The following ATXN7 variants were observed in gnomAD, a reference collection of about 807,000 sequenced individuals.
ATXN7 encodes the protein ataxin-7.
ATXN7 carries 12 observed loss-of-function variants against 70.5 expected under a neutral mutation model. That is an observed-to-expected ratio of 0.17 (90% CI 0.11 to 0.28). The LOEUF (loss-of-function observed/expected upper bound fraction) is 0.28. Among genes scored for constraint, ATXN7 ranks in the 10% least tolerant of loss-of-function variants. The pLI is 1.00. For missense variants in ATXN7, 1,256 were observed against 1,131.7 expected (o/e 1.11, Z -1.58); for synonymous variants, 498 against 448.7 (o/e 1.11, Z -1.39).
chr3:63,922,457 A>G (rs1704548998), intron 4 of ATXN7, among the ~76,000 whole-genome samples: 1 of 152,126 alleles, frequency 6.6e-6, no homozygotes, highest in Non-Finnish European at 1.5e-5. Flanking sequence ...GTGGGTATTT[A>G]CTTTTTCCTG....
At position 63,969,282 on chromosome 3, in the gene ATXN7, A is replaced by C. The variant is rs140755827; in HGVS notation, c.500-10633A>C. Among the ~76,000 whole-genome samples the C allele has an allele frequency of 7.5e-3, 1,137 of 152,060 alleles. 16 individuals carry two copies. Among genetic ancestry groups the C allele is most frequent in the African/African-American group, 0.024 (1,008 of 41,452 alleles). On this transcript the variant is annotated intron_variant, in intron 5 of 12. Coordinates refer to ENST00000674280, the MANE Select transcript of ATXN7 (RefSeq NM_001377405.1). ...GTCTTCAGGTATTCTGCCCTCCCCC[A>C]CCCAGAATAAGGTGATATAAAAAGG...
intron 1 of ATXN7, among the ~76,000 whole-genome samples, chr3:63,879,444 C>T (rs567439466): frequency 6.7e-6 from 1 of 149,052 alleles, no homozygotes; most frequent in Admixed American, 6.7e-5. Context: ...GGTTAAGGTG[C>T]AAAAGGAAAG....
At chr3:63,911,734 T>C (rs1704019475) in intron 2 of ATXN7, 1 of 152,266 alleles carries the variant, frequency 6.6e-6, no homozygotes, top group South Asian at 2.1e-4. Flanking sequence ...GGGGCACACA[T>C]GTGGGCGGCG....
chr3:63,882,661 C>T (rs704368), intron 1 of ATXN7, among the ~76,000 whole-genome samples: 88,596 of 151,928 alleles, frequency 0.58, 27,047 homozygotes, highest in Non-Finnish European at 0.67. Flanking sequence ...GCTGGGATTA[C>T]AGGTGTGAGC....
At chr3:63,988,006 G>T (rs2075607174) in intron 8 of ATXN7, 53 bp from the exon 9 acceptor site, 1 of 1,603,302 alleles carries the variant, frequency 6.2e-7, no homozygotes, top group South Asian at 1.1e-5. Flanking sequence ...ATATAAGGCA[G>T]ACCAAAAATT....
chr3:63,982,529 A>G (rs1367358779), intron 7 of ATXN7, 84 bp downstream of exon 7: 1 of 1,213,576 alleles, frequency 8.2e-7, no homozygotes, highest in East Asian at 2.5e-5. Flanking sequence ...GCAATCTAGA[A>G]TTCCTATTTT....
At chr3:63,885,867 A>C (rs1703070960) in intron 1 of ATXN7, among the ~76,000 whole-genome samples, 1 of 152,118 alleles carries the variant, frequency 6.6e-6, no homozygotes, top group South Asian at 2.1e-4. Context: ...AATACAAAAA[A>C]TTAGCAGGGC....
At position 64,000,581 on chromosome 3, in the gene ATXN7, T is replaced by G. The variant is rs1361350146; in HGVS notation, c.*1114T>G. ...GCACTTCTGGCATTGTGTGTTTTTG[T>G]ATGCACTCCCCTTCATGCCACTTCA... On this transcript the variant is annotated 3_prime_UTR_variant, in exon 13 of 13. Transcript: ENST00000674280. 1.3e-5 allele frequency: 2 copies of G among 152,322 alleles called. No homozygotes were observed. The highest frequency in any genetic ancestry group is 2.9e-5 in the Non-Finnish European group (2 of 68,056). 9.4% of individuals were successfully genotyped at this position (152,322 alleles called of 1,614,324 possible).
In ATXN7 at chr3:63,885,853, T is replaced by C. The variant is rs1021663915; in HGVS notation, c.-110-12546T>C. On this transcript the variant is annotated intron_variant, in intron 1 of 12. Coordinates refer to ENST00000674280, the MANE Select transcript of ATXN7 (RefSeq NM_001377405.1). ...CAACATGGTGCAACCCCATTTCTACTAAAAATACAAAAAATTAGCAGGGCA... is the reference window on the plus strand; with the variant it reads ...CAACATGGTGCAACCCCATTTCTACCAAAAATACAAAAAATTAGCAGGGCA... Among the ~76,000 whole-genome samples the C allele has an allele frequency of 3.3e-5, 5 of 152,074 alleles. No homozygotes were observed. In the East Asian group the frequency reaches 9.7e-4, roughly 29 times the overall value.
chr3:63,997,214 C>T (rs140213273), intron 12 of ATXN7, among the ~76,000 whole-genome samples: 3,228 of 152,136 alleles, frequency 0.021, 56 homozygotes, highest in Middle Eastern at 0.044. Context: ...GCCAAGATCG[C>T]GCCACTGCAC....
intron 5 of ATXN7, chr3:63,968,073 A>G: frequency 1.0e-6 from 1 of 976,552 alleles, no homozygotes; most frequent in Non-Finnish European, 1.5e-6. Context: ...CTAACCTTAC[A>G]TAGAACCAAG....
intron 5 of ATXN7, among the ~76,000 whole-genome samples, chr3:63,974,569 G>C (rs1329756386): frequency 2.0e-5 from 3 of 152,230 alleles, no homozygotes; most frequent in Non-Finnish European, 4.4e-5. Flanking sequence ...CAACTGACTT[G>C]AGTCCTTTAA....
rs186689842 is a variant in ATXN7 at position 63,944,561 on chromosome 3, G to A, written c.395-7818G>A. 2.2e-3 allele frequency among the ~76,000 whole-genome samples: 341 copies of A among 152,194 alleles called. 2 individuals carry two copies. The highest frequency in any genetic ancestry group is 7.8e-3 in the African/African-American group (324 of 41,530). On this transcript the variant is annotated intron_variant, in intron 4 of 12. Coordinates refer to ENST00000674280, the MANE Select transcript of ATXN7 (RefSeq NM_001377405.1). ...GAGATTTCATCCTGCTGTTCGGAAT[G>A]GCTTGCAGTTTAAAACTTAGAAGTT...
intron 6 of ATXN7, among the ~76,000 whole-genome samples, chr3:63,981,418 C>T (rs2075485446): frequency 6.6e-6 from 1 of 152,212 alleles, no homozygotes; most frequent in South Asian, 2.1e-4. Context: ...TTTATACAAC[C>T]TCATTGATTC....
intron 1 of ATXN7, among the ~76,000 whole-genome samples, chr3:63,882,349 G>C (rs1702938832): frequency 7.0e-6 from 1 of 143,432 alleles, no homozygotes; most frequent in Admixed American, 6.9e-5. Flanking sequence ...AACGGTTATT[G>C]TTTTTAATAT....
At chr3:63,895,687 TTCTC>T (rs1002531921) in intron 1 of ATXN7, among the ~76,000 whole-genome samples, 10 of 151,648 alleles carry the variant, frequency 6.6e-5, no homozygotes, top group Non-Finnish European at 1.2e-4. Context: ...CAGGCAGAGA[TTCTC>T]TCTCTCTTTC....
At chr3:63,904,061 G>A (rs1703746994) in intron 2 of ATXN7, 1 of 152,098 alleles carries the variant, frequency 6.6e-6, no homozygotes, top group African/African-American at 2.4e-5. Context: ...ACCCACATTG[G>A]AGACCCCATC....
At chr3:63,930,838 A>G (rs1023055686) in intron 4 of ATXN7, among the ~76,000 whole-genome samples, 14 of 152,118 alleles carry the variant, frequency 9.2e-5, no homozygotes, top group African/African-American at 1.7e-4. Context: ...CAAGTTTACA[A>G]AATTTTTAAT....
In ATXN7 at chr3:63,996,258, T is replaced by G; in HGVS notation, c.2436T>G (p.Asn812Lys). 6.2e-7 allele frequency: 1 copy of G among 1,614,146 alleles called. No homozygotes were observed. ...LSLGPFIHQSNELPVNSHGSF... is the reference protein window; with the variant it reads ...LSLGPFIHQSKELPVNSHGSF... ...TTGGGCCATTCATTCACCAGTCCAA[T>G]GAACTGCCTGTCAACTCCCACGGCA... Residue 812 changes from asparagine to lysine, a missense_variant, in exon 12 of 13, where the codon AAT becomes AAG. Coordinates refer to ENST00000674280, the MANE Select transcript of ATXN7 (RefSeq NM_001377405.1).
Sources: gnomAD v4.1 joint callset for allele counts (sites outside exome capture counted in the v4.1 genomes callset) on GRCh38, gnomAD v4.1.1 for gene constraint, MANE v1.5 for transcripts, NCBI Gene and HGNC (gene_info 2026-07-23, HGNC 2026-07-21) for gene names.